Variants in DHRS4L2 observed in about 807,000 individuals in gnomAD.
DHRS4L2 encodes the protein dehydrogenase/reductase 4 like 2.
In DHRS4L2, 22 loss-of-function variants were observed where a neutral mutation model predicts 23.9. The observed-to-expected ratio is 0.92, with a 90% CI of 0.66 to 1.31. The LOEUF (loss-of-function observed/expected upper bound fraction) is 1.31. Ranked by LOEUF, DHRS4L2 falls within the 40% of genes most tolerant of loss-of-function variation. DHRS4L2 has a pLI of 0.00. For missense variants in DHRS4L2, 385 were observed against 303.3 expected, an observed-to-expected ratio of 1.27 and a Z score of -2.00; for synonymous variants, 141 against 123.7, an observed-to-expected ratio of 1.14 and a Z score of -0.93.
At chr14:24,001,632 T>C in intron 6 of DHRS4L2, 115 bp downstream of exon 6, 1 of 1,461,276 alleles carries the variant, frequency 6.8e-7, no homozygotes, top group Non-Finnish European at 9.1e-7. Context: ...TCTCCTTCCC[T>C]GGACTTTCCC....
chr14:23,982,079 CG>C lies in DHRS4L2; in HGVS notation c.-175-8100del, dbSNP rs571440658. On this transcript the variant is annotated intron_variant, in intron 1 of 5. Coordinates refer to the DHRS4L2 transcript ENST00000534993. ...CTCAGCACAGACCCTTCATGGGTGTCGGGCTGGGGGACGGTCAGGGCTCTCC... is the reference window on the plus strand; with the variant it reads ...CTCAGCACAGACCCTTCATGGGTGTCGGCTGGGGGACGGTCAGGGCTCTCC... Among the ~76,000 whole-genome samples, 107 of 151,762 alleles carry C rather than the reference CG, an allele frequency of 7.1e-4. 2 individuals are homozygous for C. Among genetic ancestry groups the C allele is most frequent in the African/African-American group, 2.5e-3 (104 of 41,402 alleles).
chr14:23,988,978 G>A lies in DHRS4L2; in HGVS notation c.31G>A (p.Ala11Thr). The change falls in exon 1 of 8, where the codon GCC becomes ACC. Residue 11 changes from alanine to threonine, a missense_variant. Coordinates refer to ENST00000335125, the MANE Select transcript of DHRS4L2 (RefSeq NM_198083.4). The part of the protein sequence containing the change: MQMARLLGLC[A>T]WARKSVRMAS... ...GATGGCCAGGCTGCTAGGCCTCTGT[G>A]CCTGGGCACGGAAGTCGGTGCGGAT... 1 of 1,612,010 alleles carries A rather than the reference G, an allele frequency of 6.2e-7. No individual in the cohort carries two copies. Among genetic ancestry groups the A allele is most frequent in the Non-Finnish European group, 8.5e-7 (1 of 1,179,080 alleles).
chr14:23,990,635 C>A, intron 2 of DHRS4L2: 2 of 1,207,110 alleles, frequency 1.7e-6, no homozygotes, highest in Admixed American at 3.9e-5. Flanking sequence ...AGGGTAAATA[C>A]AATCACAAAA....
intron 1 of DHRS4L2, 21 bp downstream of exon 1, chr14:23,989,096 T>A: frequency 6.4e-7 from 1 of 1,556,830 alleles, no homozygotes; most frequent in Non-Finnish European, 8.7e-7. Context: ...GTGCCGGAGT[T>A]TCTGAGGCCC....
At chr14:23,975,834 C>T (rs1378101798) in intron 1 of DHRS4L2, among the ~76,000 whole-genome samples, 1 of 151,768 alleles carries the variant, frequency 6.6e-6, no homozygotes, top group Non-Finnish European at 1.5e-5. Context: ...TTTGACAAAC[C>T]TGACAGAAAC....
intron 3 of DHRS4L2, among the ~76,000 whole-genome samples, chr14:23,999,359 A>AC (rs1439799557): frequency 1.3e-4 from 19 of 144,748 alleles, no homozygotes; most frequent in East Asian, 4.0e-4. Context: ...AAAAAAAAAA[A>AC]AAAAAAAAAA....
chr14:23,994,612 C>T (rs2034339975), intron 2 of DHRS4L2, among the ~76,000 whole-genome samples: 1 of 151,598 alleles, frequency 6.6e-6, no homozygotes, highest in African/African-American at 2.4e-5. Context: ...GGCTTGAACC[C>T]AGTAGGTCAA....
At chr14:23,987,882 A>G (rs1356775488), upstream of DHRS4L2, among the ~76,000 whole-genome samples, 1 of 147,834 alleles carries the variant, frequency 6.8e-6, no homozygotes, top group Non-Finnish European at 1.5e-5. Context: ...CGGCCTTTCT[A>G]CACTGTACCA....
At position 23,995,145 on chromosome 14, in the gene DHRS4L2, T is replaced by A. The variant is rs768704749; in HGVS notation, c.408+12T>A. ...AGGTGTGGGACAAGGTGAGAGGGGATTAAAGAAGCGCGGAAGGGGGCCTCG... is the reference window on the plus strand; with the variant it reads ...AGGTGTGGGACAAGGTGAGAGGGGAATAAAGAAGCGCGGAAGGGGGCCTCG... On this transcript the variant is annotated intron_variant, in intron 3 of 7. Coordinates refer to ENST00000335125, the MANE Select transcript of DHRS4L2 (RefSeq NM_198083.4). 4.3e-6 allele frequency: 7 copies of A among 1,612,204 alleles called. No individual in the cohort carries two copies. The highest frequency in any genetic ancestry group is 5.9e-6 in the Non-Finnish European group (7 of 1,178,936).
rs2034572950 is a variant in DHRS4L2 at position 24,006,073 on chromosome 14, C to A, written c.*210C>A. 2.6e-6 allele frequency: 4 copies of A among 1,565,674 alleles called. No homozygotes were observed. Among genetic ancestry groups the A allele is most frequent in the Admixed American group, 1.9e-5 (1 of 53,910 alleles). Reference sequence around the variant, plus strand: ...GCTGTTCCTGCATTCACCCACTGGCCTTTCCCACCTCTGCTCACCTTACTG... The same window carrying A: ...GCTGTTCCTGCATTCACCCACTGGCATTTCCCACCTCTGCTCACCTTACTG... On this transcript the variant is annotated 3_prime_UTR_variant, in exon 8 of 8. Transcript: ENST00000335125.
At chr14:23,978,518 A>C (rs1207544454) in intron 1 of DHRS4L2, among the ~76,000 whole-genome samples, 1 of 90,708 alleles carries the variant, frequency 1.1e-5, no homozygotes, top group Non-Finnish European at 1.8e-5. Flanking sequence ...TTTCCAACTG[A>C]GGTACCTGGC....
At chr14:23,974,425 A>AT (rs2138506117) in intron 1 of DHRS4L2, among the ~76,000 whole-genome samples, 1 of 151,782 alleles carries the variant, frequency 6.6e-6, no homozygotes, top group East Asian at 1.9e-4. Flanking sequence ...TGATAGAGAC[A>AT]TTAAAAAAAA....
chr14:23,983,088 AC>A (rs1480407455), intron 1 of DHRS4L2, among the ~76,000 whole-genome samples: 1 of 151,712 alleles, frequency 6.6e-6, no homozygotes, highest in East Asian at 1.9e-4. Context: ...GTCAGAGTGA[AC>A]AGGCAACCCA....
chr14:23,996,243 A>T (rs2034380436), intron 3 of DHRS4L2, among the ~76,000 whole-genome samples: 1 of 151,676 alleles, frequency 6.6e-6, no homozygotes, highest in South Asian at 2.1e-4. Context: ...ACTGGTGATC[A>T]CATTTCAACA....
chr14:23,983,710 G>T (rs2034091951), intron 1 of DHRS4L2, among the ~76,000 whole-genome samples: 1 of 151,704 alleles, frequency 6.6e-6, no homozygotes, highest in Non-Finnish European at 1.5e-5. Context: ...CATAAAAAAA[G>T]ATGAGTTCAT....
At chr14:23,976,617 G>T (rs2033972073) in intron 1 of DHRS4L2, among the ~76,000 whole-genome samples, 1 of 151,672 alleles carries the variant, frequency 6.6e-6, no homozygotes, top group Non-Finnish European at 1.5e-5. Flanking sequence ...TCTACCCAAA[G>T]GATCATAAAT....
chr14:23,988,794 G>C (rs2034200227), upstream of DHRS4L2: 10 of 1,402,534 alleles, frequency 7.1e-6, no homozygotes, highest in Admixed American at 2.9e-4. Flanking sequence ...CGACTGGCGG[G>C]CGGCGGGAGG....
intron 1 of DHRS4L2, among the ~76,000 whole-genome samples, chr14:23,972,211 C>T (rs528905704): frequency 6.6e-6 from 1 of 152,020 alleles, no homozygotes; most frequent in African/African-American, 2.4e-5. Flanking sequence ...TTCTTAAAGG[C>T]AGCGTGTCTG....
intron 1 of DHRS4L2, 26 bp from the exon 2 acceptor site, chr14:23,990,156 C>A: frequency 6.2e-7 from 1 of 1,612,026 alleles, no homozygotes; most frequent in Non-Finnish European, 8.5e-7. Flanking sequence ...CAGGCCTTAG[C>A]AGTCTTTGTC....
Sources: allele counts gnomAD v4.1 joint callset (sites outside exome capture counted in the v4.1 genomes callset), GRCh38; gene constraint gnomAD v4.1.1; transcripts MANE v1.5; gene names NCBI Gene and HGNC (gene_info 2026-07-23, HGNC 2026-07-21).